OR1J2: variants seen among roughly 807,000 people sequenced by gnomAD.
The protein encoded by OR1J2 is olfactory receptor 1J2.
For missense variants in OR1J2, 304 were observed against 246.1 expected (o/e 1.24, Z -1.57); for synonymous variants, 142 against 99.7 (o/e 1.42, Z -2.52).
At chr9:122,569,469 C>G in the OR1J2 span, among the ~76,000 whole-genome samples, 2 of 75,924 alleles carry the variant, frequency 2.6e-5, no homozygotes, top group South Asian at 1.0e-3. Context: ...ATTTTTGTAT[C>G]AGCAAAATGT....
the OR1J2 span, among the ~76,000 whole-genome samples, chr9:122,473,692 C>G: frequency 7.2e-6 from 1 of 138,528 alleles, no homozygotes; most frequent in African/African-American, 2.9e-5. Flanking sequence ...GGTCACGGGA[C>G]TGTCATTGGA....
the OR1J2 span, among the ~76,000 whole-genome samples, chr9:122,451,373 T>C: frequency 6.6e-6 from 1 of 151,762 alleles, no homozygotes; most frequent in African/African-American, 2.4e-5. Context: ...TTAGTAGAGA[T>C]GGGGTTTCTC....
chr9:122,554,288 TA>T, the OR1J2 span: 76,697 of 532,306 alleles, frequency 0.14, 19 homozygotes, highest in East Asian at 0.23. Flanking sequence ...GTTAGGGATG[TA>T]AAAAAAAAAA....
At chr9:122,567,740 G>T in the OR1J2 span, 1 of 1,614,092 alleles carries the variant, frequency 6.2e-7, no homozygotes, top group Non-Finnish European at 8.5e-7. Context: ...TCACCACGGT[G>T]AGGTAAAAAC....
chr9:122,553,051 T>C, the OR1J2 span: 2 of 736,042 alleles, frequency 2.7e-6, no homozygotes, highest in Non-Finnish European at 4.7e-6. Context: ...GCATTCCCAG[T>C]GAGATTCAGA....
the OR1J2 span, among the ~76,000 whole-genome samples, chr9:122,469,066 T>C: frequency 6.6e-6 from 1 of 152,190 alleles, no homozygotes; most frequent in African/African-American, 2.4e-5. Context: ...GTGACTTCCT[T>C]TGAGATTGTG....
At chr9:122,483,541 T>C in the OR1J2 span, among the ~76,000 whole-genome samples, 1 of 152,208 alleles carries the variant, frequency 6.6e-6, no homozygotes, top group Admixed American at 6.5e-5. Flanking sequence ...CTATATATTA[T>C]TTATGGGCAC....
the OR1J2 span, among the ~76,000 whole-genome samples, chr9:122,575,218 GTGTT>G: frequency 6.6e-6 from 1 of 152,044 alleles, no homozygotes; most frequent in Non-Finnish European, 1.5e-5. Context: ...GAATTAGAAA[GTGTT>G]TCCTTTGCTT....
the OR1J2 span, among the ~76,000 whole-genome samples, chr9:122,489,536 A>C: frequency 6.6e-6 from 1 of 152,166 alleles, no homozygotes; most frequent in Admixed American, 6.5e-5. Flanking sequence ...CATGAGGCCC[A>C]GTGACGAGGG....
the OR1J2 span, among the ~76,000 whole-genome samples, chr9:122,564,349 T>C: frequency 1.3e-5 from 2 of 152,210 alleles, no homozygotes; most frequent in Non-Finnish European, 2.9e-5. Context: ...ATAATTAGAA[T>C]AGGCATACTT....
chr9:122,561,645 G>C, the OR1J2 span, among the ~76,000 whole-genome samples: 1 of 152,076 alleles, frequency 6.6e-6, no homozygotes. Context: ...TATTCATCTG[G>C]TTCACTCCTG....
the OR1J2 span, among the ~76,000 whole-genome samples, chr9:122,535,516 T>A: frequency 1.3e-5 from 2 of 152,042 alleles, no homozygotes; most frequent in Admixed American, 6.6e-5. Context: ...AGGGAGAGAT[T>A]GAAGTGTGGC....
the OR1J2 span, among the ~76,000 whole-genome samples, chr9:122,546,472 A>G: frequency 6.6e-6 from 1 of 152,204 alleles, no homozygotes; most frequent in Non-Finnish European, 1.5e-5. Flanking sequence ...GCTTGCTTTC[A>G]GAACCTGCTG....
chr9:122,567,358 C>T, the OR1J2 span: 4 of 450,340 alleles, frequency 8.9e-6, no homozygotes, highest in East Asian at 3.3e-5. Context: ...AGACAGGAAA[C>T]GATTGTGATT....
the OR1J2 span, among the ~76,000 whole-genome samples, chr9:122,539,085 C>T: frequency 5.9e-5 from 9 of 152,156 alleles, no homozygotes; most frequent in African/African-American, 1.9e-4. Flanking sequence ...AGGGGCCTGA[C>T]TTTCAAAAGC....
the OR1J2 span, among the ~76,000 whole-genome samples, chr9:122,469,244 C>T: frequency 1.3e-5 from 2 of 152,336 alleles, no homozygotes; most frequent in African/African-American, 4.8e-5. Flanking sequence ...ATTGTAGTTC[C>T]ATAATTCCCA....
In OR1J2 at chr9:122,511,237, G is replaced by A. The variant is rs1393927181; in HGVS notation, c.436G>A (p.Ala146Thr). ...GGAAGAGCTCTGTGTCTTCTTAGTG[G>A]CTGTATCTTGGATTCTGTCTTGTGC... is the stretch of plus-strand genomic sequence containing the variant. ...MREELCVFLV[A>T]VSWILSCASS... Residue 146 changes from alanine to threonine, a missense_variant, in exon 1 of 1, where the codon GCT becomes ACT. By Grantham distance (58) the Ala-to-Thr change is moderately conservative. Coordinates refer to ENST00000335302, the MANE Select transcript of OR1J2 (RefSeq NM_054107.1). 1 of 755,388 alleles carries A rather than the reference G, an allele frequency of 1.3e-6. No individual in the cohort carries two copies. Among genetic ancestry groups the A allele is most frequent in the Non-Finnish European group, 2.5e-6 (1 of 406,810 alleles). The allele number at this position is 755,388 out of a possible 1,614,324, so 46.8% of individuals were successfully genotyped here. A position where few individuals can be genotyped will look rare whatever the true frequency, so the allele number is the denominator to read the frequency against.
chr9:122,498,124 T>C, the OR1J2 span, among the ~76,000 whole-genome samples: 2 of 152,086 alleles, frequency 1.3e-5, no homozygotes, highest in African/African-American at 4.8e-5. Flanking sequence ...TTGGAGTAGG[T>C]TCTATGTGCA....
the OR1J2 span, among the ~76,000 whole-genome samples, chr9:122,541,394 A>T: frequency 1.3e-5 from 2 of 152,168 alleles, no homozygotes; most frequent in Non-Finnish European, 2.9e-5. Flanking sequence ...GAAGAAAGAG[A>T]TGATAGCTAT....
Sources: gnomAD v4.1 joint callset for allele counts (sites outside exome capture counted in the v4.1 genomes callset) on GRCh38, gnomAD v4.1.1 for gene constraint, MANE v1.5 for transcripts, NCBI Gene and HGNC (gene_info 2026-07-23, HGNC 2026-07-21) for gene names.